The following PCSK7 variants were observed in gnomAD, a reference collection of about 807,000 sequenced individuals.
PCSK7 encodes the protein proprotein convertase subtilisin/kexin type 7.
PCSK7 carries 38 observed loss-of-function variants against 73.3 expected under a neutral mutation model. The ratio of observed to expected loss-of-function variants is 0.52; its 90% CI spans 0.40 to 0.68. The LOEUF (loss-of-function observed/expected upper bound fraction) is 0.68, where lower values mean the gene tolerates loss of function less well. Among genes scored for constraint, PCSK7 ranks in the 30% least tolerant of loss-of-function variants. The pLI is 0.00. For synonymous variants in PCSK7, 296 were observed against 383.8 expected, an observed-to-expected ratio of 0.77 and a Z score of 2.68; for missense variants, 692 against 991.5, an observed-to-expected ratio of 0.70 and a Z score of 4.06.
intron 12 of PCSK7, chr11:117,209,898 T>C (rs1420359805): frequency 6.6e-6 from 1 of 152,088 alleles, no homozygotes; most frequent in Non-Finnish European, 1.5e-5. Context: ...ATTTAGGTGA[T>C]GTTAATTGAA....
chr11:117,230,176 C>T lies in PCSK7; in HGVS notation c.-13+173G>A, dbSNP rs114005385. On this transcript the variant is annotated intron_variant, in intron 2 of 16. Coordinates refer to ENST00000320934, the MANE Select transcript of PCSK7 (RefSeq NM_004716.4). Reference sequence around the variant, plus strand: ...TGCGAGCAACCCCTGTTGCCACCCACAGGGCTCAAAGCACACATCGCTTCC... The same window carrying T: ...TGCGAGCAACCCCTGTTGCCACCCATAGGGCTCAAAGCACACATCGCTTCC... 829 of 293,186 alleles carry T rather than the reference C, an allele frequency of 2.8e-3. 6 individuals are homozygous for T. Among genetic ancestry groups the T allele is most frequent in the African/African-American group, 0.016 (765 of 46,366 alleles). The allele number at this position is 293,186 out of a possible 1,614,324, so 18.2% of individuals were successfully genotyped here. A position where few individuals can be genotyped will look rare whatever the true frequency, so the allele number is the denominator to read the frequency against.
Position 117,218,500 on chromosome 11 carries a change from C to T in PCSK7, c.1500G>A (p.Pro500=), listed in dbSNP as rs138200075. Residue 500 remains proline (P), a synonymous_variant, in exon 12 of 17, where the codon CCG becomes CCA. Transcript: ENST00000320934. This position sits in a 1 kb window ranked among gnomAD's most constrained non-coding sequence, Gnocchi z 4.0. ...GGACCTCCAGGGAACGGGGGGACTG[C>T]GGAATCGCCTTGTTTTCTTTTAACA... ...SPVLKENKAI[P]QSPRSLEVLW... The T allele has an allele frequency of 1.0e-4, 166 of 1,608,392 alleles. No homozygotes were observed. The African/African-American group carries it at 1.3e-3, about 13-fold the overall frequency.
intron 13 of PCSK7, chr11:117,208,355 C>CTT (rs758360770): frequency 4.9e-4 from 68 of 138,982 alleles, no homozygotes; most frequent in Middle Eastern, 6.4e-3. Flanking sequence ...CTTTTTCTTT[C>CTT]TTTTTTTTTT....
chr11:117,215,372 G>GTATATA (rs1342453814), intron 12 of PCSK7: 64 of 79,192 alleles, frequency 8.1e-4, no homozygotes, highest in East Asian at 1.8e-3. Context: ...ATTTGTGTGT[G>GTATATA]TGTGTGTGTA....
intron 3 of PCSK7, among the ~76,000 whole-genome samples, chr11:117,229,158 G>T (rs939661050): frequency 6.6e-6 from 1 of 152,184 alleles, no homozygotes. Flanking sequence ...CATGAGCCCA[G>T]GCAGCCTGGC....
At chr11:117,227,352 A>G in intron 4 of PCSK7, 30 bp from the exon 5 acceptor site, 1 of 1,581,446 alleles carries the variant, frequency 6.3e-7, no homozygotes, top group South Asian at 1.1e-5. Flanking sequence ...ACATGTGGTC[A>G]TTCACTGGTT....
At position 117,205,460 on chromosome 11, in the gene PCSK7, G is replaced by A. The variant is rs541803323; in HGVS notation, c.*537C>T. ...GCCGGCAGCATCATACCAATCGTGGGGGTGGTGAAGGAGCCAGGGGTTCAT... is the reference window on the plus strand; with the variant it reads ...GCCGGCAGCATCATACCAATCGTGGAGGTGGTGAAGGAGCCAGGGGTTCAT... On this transcript the variant is annotated 3_prime_UTR_variant, in exon 17 of 17. Coordinates refer to ENST00000320934, the MANE Select transcript of PCSK7 (RefSeq NM_004716.4). The A allele has an allele frequency of 4.3e-6, 1 of 233,928 alleles. No homozygotes were observed. Among genetic ancestry groups the A allele is most frequent in the Non-Finnish European group, 8.4e-6 (1 of 118,380 alleles). The allele number at this position is 233,928 out of a possible 1,614,324, so 14.5% of individuals were successfully genotyped here.
At chr11:117,211,109 CA>C (rs1340371737) in intron 12 of PCSK7, 1 of 152,108 alleles carries the variant, frequency 6.6e-6, no homozygotes, top group Non-Finnish European at 1.5e-5. Context: ...TGAGCAAGGA[CA>C]GGGGTGTTTG....
chr11:117,215,573 T>C (rs1370452411), intron 12 of PCSK7: 3 of 150,932 alleles, frequency 2.0e-5, no homozygotes, highest in South Asian at 4.2e-4. Flanking sequence ...GCTAATTTTT[T>C]TGTATTTGTA....
chr11:117,228,414 T>G lies in PCSK7; in HGVS notation c.469-64A>C, dbSNP rs576968731. 2.6e-5 allele frequency: 38 copies of G among 1,481,844 alleles called. No homozygotes were observed. In the African/African-American group the frequency reaches 5.0e-4, roughly 19 times the overall value. The allele number at this position is 1,481,844 out of a possible 1,614,324, so 91.8% of individuals were successfully genotyped here. A position where few individuals can be genotyped will look rare whatever the true frequency, so the allele number is the denominator to read the frequency against. On this transcript the variant is annotated intron_variant, in intron 3 of 16. Transcript: ENST00000320934. ...CACAGCCCAGAGGGAGATGAAGTTA[T>G]AGCTAGCAGCCCCTTTTCACCCTTG...
At chr11:117,228,484 T>TGGGAACAGAGTCAAGG in intron 3 of PCSK7, 134 bp from the exon 4 acceptor site, 1 of 718,910 alleles carries the variant, frequency 1.4e-6, no homozygotes, top group Non-Finnish European at 2.4e-6. Context: ...ATAGGTCAGG[T>TGGGAACAGAGTCAAGG]GGGAACAGAG....
At position 117,204,399 on chromosome 11, in the gene PCSK7, T is replaced by C. The variant is rs2031247733; in HGVS notation, c.*1598A>G. On this transcript the variant is annotated 3_prime_UTR_variant, in exon 17 of 17. Coordinates refer to ENST00000320934, the MANE Select transcript of PCSK7 (RefSeq NM_004716.4). ...GCCCTGAGCCCGGCCCTCCCCCAGC[T>C]CCTTGGCTGCAGCCATCCCGCTTAG... is the stretch of plus-strand genomic sequence containing the variant. 1 of 1,613,742 alleles carries C rather than the reference T, an allele frequency of 6.2e-7. No individual in the cohort carries two copies. The highest frequency in any genetic ancestry group is 8.5e-7 in the Non-Finnish European group (1 of 1,179,864).
chr11:117,230,728 A>G (rs1410855428), intron 1 of PCSK7, among the ~76,000 whole-genome samples: 1 of 152,048 alleles, frequency 6.6e-6, no homozygotes, highest in African/African-American at 2.4e-5. Flanking sequence ...CAGTTACCAA[A>G]ATGCCTCTTG....
chr11:117,210,101 A>G (rs2134287684), intron 12 of PCSK7: 1 of 152,330 alleles, frequency 6.6e-6, no homozygotes, highest in Middle Eastern at 3.4e-3. Context: ...GCATACACAA[A>G]TATTGACAGC....
Position 117,204,470 on chromosome 11 carries a change from T to C in PCSK7, c.*1527A>G. On this transcript the variant is annotated 3_prime_UTR_variant, in exon 17 of 17. Transcript: ENST00000320934. ...GTGGTACCTTCAGCCCTGGCCAAGC[T>C]TTGAGGCTCTGTCACTGAGCAATGG... is the stretch of plus-strand genomic sequence containing the variant. The C allele has an allele frequency of 6.6e-7, 1 of 1,522,574 alleles. No individual in the cohort carries two copies. The highest frequency in any genetic ancestry group is 9.0e-7 in the Non-Finnish European group (1 of 1,113,202). The allele number at this position is 1,522,574 out of a possible 1,614,324, so 94.3% of individuals were successfully genotyped here.
intron 8 of PCSK7, chr11:117,223,771 G>A: frequency 2.5e-6 from 1 of 403,444 alleles, no homozygotes; most frequent in Non-Finnish European, 4.5e-6. Context: ...GGCCTGTGGG[G>A]AGTCAGGGGA....
chr11:117,219,035 T>G, intron 11 of PCSK7, 22 bp downstream of exon 11: 7 of 1,563,416 alleles, frequency 4.5e-6, no homozygotes, highest in Non-Finnish European at 6.1e-6. Context: ...CAGGGCACCC[T>G]GCCCTGCCAA....
chr11:117,229,377 C>T lies in PCSK7; in HGVS notation c.468G>A (p.Leu156=). 1 of 1,602,636 alleles carries T rather than the reference C, an allele frequency of 6.2e-7. No individual in the cohort carries two copies. The highest frequency in any genetic ancestry group is 8.5e-7 in the Non-Finnish European group (1 of 1,178,532). ...NDPKYPQQWH[L]NNRRSPGRDI... Reference sequence around the variant, plus strand: ...CTGCAAACTGCAGGACTGGACTCACCAGGTGCCATTGCTGCGGGTACTTGG... The same window carrying T: ...CTGCAAACTGCAGGACTGGACTCACTAGGTGCCATTGCTGCGGGTACTTGG... The change falls in exon 3 of 17, where the codon CTG becomes CTA. Residue 156 remains leucine (L), a splice_region_variant and synonymous_variant. Coordinates refer to ENST00000320934, the MANE Select transcript of PCSK7 (RefSeq NM_004716.4).
Position 117,223,085 on chromosome 11 carries a change from T to C in PCSK7, c.1155+123A>G, listed in dbSNP as rs1565314122. The C allele has an allele frequency of 2.0e-5, 14 of 712,334 alleles. No homozygotes were observed. In the East Asian group the frequency reaches 3.2e-4, roughly 16 times the overall value. The allele number at this position is 712,334 out of a possible 1,614,324, so 44.1% of individuals were successfully genotyped here. On this transcript the variant is annotated intron_variant, in intron 9 of 16. Coordinates refer to ENST00000320934, the MANE Select transcript of PCSK7 (RefSeq NM_004716.4). ...GCATGCCTTAAGACATCCAGCTCTG[T>C]GGGGGAAGAGGAGCCTGAGTGTTGG...
Sources: allele counts gnomAD v4.1 joint callset (sites outside exome capture counted in the v4.1 genomes callset), GRCh38; gene constraint gnomAD v4.1.1; non-coding constraint Gnocchi (gnomAD v3.1); transcripts MANE v1.5; gene names NCBI Gene and HGNC (gene_info 2026-07-23, HGNC 2026-07-21).